The following GPHN variants were observed in gnomAD, a reference collection of about 807,000 sequenced individuals.
The protein encoded by GPHN is gephyrin.
Under a neutral mutation model 95.5 loss-of-function variants are expected in GPHN, and 17 were observed. The observed-to-expected ratio is 0.18, with a 90% CI of 0.12 to 0.27. The LOEUF (loss-of-function observed/expected upper bound fraction) is 0.27, where lower values mean the gene tolerates loss of function less well. GPHN is among the 10% of genes least tolerant of loss of function. The pLI is 1.00. For missense variants in GPHN, 660 were observed against 978.1 expected, an observed-to-expected ratio of 0.67 and a Z score of 4.34; for synonymous variants, 320 against 322.5, an observed-to-expected ratio of 0.99 and a Z score of 0.08.
At chr14:67,382,544 A>G in the GPHN span, 2 of 1,613,986 alleles carry the variant, frequency 1.2e-6, no homozygotes, top group Admixed American at 1.7e-5. Flanking sequence ...GCTGTTATCA[A>G]AGAGAAGATT....
chr14:67,576,597 A>T, the GPHN span: 22 of 655,830 alleles, frequency 3.4e-5, no homozygotes, highest in Admixed American at 5.2e-4. The surrounding 1 kb of genome is among the most constrained non-coding windows in gnomAD (Gnocchi z 4.0). Context: ...TGTACCCTGA[A>T]GCTGTTTTTA....
chr14:66,647,725 C>T (rs2064835659), intron 1 of GPHN, among the ~76,000 whole-genome samples: 2 of 152,028 alleles, frequency 1.3e-5, no homozygotes, highest in South Asian at 4.1e-4. Context: ...GTACAGTACT[C>T]ACCTGGTTTT....
At chr14:66,942,662 T>G (rs1447452150) in intron 8 of GPHN, among the ~76,000 whole-genome samples, 1 of 152,236 alleles carries the variant, frequency 6.6e-6, no homozygotes, top group East Asian at 1.9e-4. Context: ...CCTACAATTT[T>G]GGGACATATA....
intron 9 of GPHN, among the ~76,000 whole-genome samples, chr14:66,978,953 A>G (rs2070457787): frequency 6.6e-6 from 1 of 152,176 alleles, no homozygotes; most frequent in African/African-American, 2.4e-5. Flanking sequence ...GTATATCCCA[A>G]TCAGAGCTCT....
intron 11 of GPHN, among the ~76,000 whole-genome samples, chr14:67,072,913 G>A (rs2076363290): frequency 6.6e-6 from 1 of 151,894 alleles, no homozygotes; most frequent in South Asian, 2.1e-4. Context: ...TTTCATTCTA[G>A]CAATATGGAA....
chr14:67,241,822 C>A, the GPHN span: 2 of 151,314 alleles, frequency 1.3e-5, no homozygotes, highest in Admixed American at 1.3e-4. Flanking sequence ...CCAGCCGAGC[C>A]CGAGGTGCAG....
the GPHN span, among the ~76,000 whole-genome samples, chr14:67,213,471 A>G: frequency 6.7e-6 from 1 of 150,206 alleles, no homozygotes; most frequent in Non-Finnish European, 1.5e-5. Flanking sequence ...AATTTCATCC[A>G]TGTCCCTACA....
the GPHN span, among the ~76,000 whole-genome samples, chr14:67,196,595 A>G: frequency 6.6e-6 from 1 of 152,212 alleles, no homozygotes; most frequent in Non-Finnish European, 1.5e-5. Context: ...CACTTTAAAC[A>G]GCAATTAAAT....
At chr14:66,957,714 A>C (rs1474862680) in intron 8 of GPHN, among the ~76,000 whole-genome samples, 1 of 152,130 alleles carries the variant, frequency 6.6e-6, no homozygotes, top group Admixed American at 6.5e-5. Context: ...AGTGTTGTTC[A>C]GGTCTTCTAT....
intron 9 of GPHN, among the ~76,000 whole-genome samples, chr14:66,988,931 C>G (rs1437339680): frequency 6.6e-6 from 1 of 152,012 alleles, no homozygotes; most frequent in Non-Finnish European, 1.5e-5. Flanking sequence ...TTAATTCACA[C>G]AGCTGTAATA....
intron 1 of GPHN, among the ~76,000 whole-genome samples, chr14:66,568,091 A>C (rs571502838): frequency 6.6e-6 from 1 of 152,344 alleles, no homozygotes; most frequent in South Asian, 2.1e-4. Context: ...CTGTTAAAAA[A>C]TAGGAAGTAC....
the GPHN span, among the ~76,000 whole-genome samples, chr14:67,550,377 C>A: frequency 2.2e-3 from 335 of 152,272 alleles, 1 homozygote; most frequent in African/African-American, 7.9e-3. Context: ...TTAGTAGAGA[C>A]AAGGTTTCAA....
the GPHN span, chr14:67,615,815 A>G: frequency 2.2e-5 from 13 of 585,640 alleles, no homozygotes; most frequent in Non-Finnish European, 3.8e-5. Flanking sequence ...GTGTGGCCCA[A>G]AAGTCAAAAG....
At chr14:66,822,703 AG>A (rs1010202576) in intron 3 of GPHN, among the ~76,000 whole-genome samples, 3 of 152,222 alleles carry the variant, frequency 2.0e-5, no homozygotes, top group Non-Finnish European at 4.4e-5. Context: ...AAATTTGAAA[AG>A]TTTGAATACC....
At chr14:66,905,257 C>G (rs1013502424) in intron 5 of GPHN, among the ~76,000 whole-genome samples, 3 of 151,976 alleles carry the variant, frequency 2.0e-5, no homozygotes, top group African/African-American at 7.2e-5. Flanking sequence ...ATCTCAGTTC[C>G]AAGGTTAATG....
intron 18 of GPHN, among the ~76,000 whole-genome samples, chr14:67,146,285 A>G (rs1352674054): frequency 1.3e-5 from 2 of 152,152 alleles, no homozygotes; most frequent in Admixed American, 6.5e-5. Flanking sequence ...TTCCACAGTT[A>G]CTTCCCTAAA....
At chr14:66,825,959 T>C (rs1010796808) in intron 4 of GPHN, among the ~76,000 whole-genome samples, 2 of 152,220 alleles carry the variant, frequency 1.3e-5, no homozygotes, top group African/African-American at 4.8e-5. Context: ...TGTTTCTTTG[T>C]AAGAACATTG....
At chr14:67,644,822 C>T in the GPHN span, among the ~76,000 whole-genome samples, 6 of 152,008 alleles carry the variant, frequency 3.9e-5, no homozygotes, top group Non-Finnish European at 7.4e-5. Context: ...CATGTTGAAA[C>T]CCCATCTTTA....
At chr14:66,519,318 T>G (rs2058378836) in intron 1 of GPHN, among the ~76,000 whole-genome samples, 1 of 152,022 alleles carries the variant, frequency 6.6e-6, no homozygotes, top group African/African-American at 2.4e-5. Flanking sequence ...AAAAAATCTT[T>G]TTGTTTATTC....
Sources: gnomAD v4.1 joint callset for allele counts (sites outside exome capture counted in the v4.1 genomes callset) on GRCh38, gnomAD v4.1.1 for gene constraint, Gnocchi (gnomAD v3.1) non-coding constraint, MANE v1.5 for transcripts, NCBI Gene and HGNC (gene_info 2026-07-23, HGNC 2026-07-21) for gene names.